The following CASD1 variants were observed in gnomAD, a reference collection of about 807,000 sequenced individuals.
The protein encoded by CASD1 is CAS1 domain sialic acid O acetyltransferase 1.
A neutral mutation model predicts 100.0 loss-of-function variants in CASD1; 41 were observed. That is an observed-to-expected ratio of 0.41 (90% CI 0.32 to 0.53). The LOEUF is 0.53. Ranked by LOEUF, CASD1 falls within the 20% of genes least tolerant of loss-of-function variation. The pLI, the probability that CASD1 is intolerant of heterozygous loss-of-function variation, is 0.25. For missense variants in CASD1, 774 were observed against 948.7 expected (o/e 0.82, Z 2.42); for synonymous variants, 321 against 315.6 (o/e 1.02, Z -0.18).
downstream of CASD1, among the ~76,000 whole-genome samples, chr7:94,558,781 G>A (rs1796288057): frequency 6.6e-6 from 1 of 151,934 alleles, no homozygotes; most frequent in South Asian, 2.1e-4. Flanking sequence ...TTCCAGAATA[G>A]ATTTCTTATT....
the CASD1 span, among the ~76,000 whole-genome samples, chr7:94,605,487 A>G: frequency 1.3e-5 from 2 of 152,326 alleles, no homozygotes; most frequent in East Asian, 3.9e-4. Context: ...GTTTATATAC[A>G]CTTATAGATA....
the CASD1 span, chr7:94,588,120 T>C: frequency 5.2e-6 from 6 of 1,161,724 alleles, no homozygotes; most frequent in Non-Finnish European, 6.4e-6. Context: ...CTGTGGAAAA[T>C]TTTTAGGGAC....
chr7:94,581,682 A>G, the CASD1 span, among the ~76,000 whole-genome samples: 675 of 152,334 alleles, frequency 4.4e-3, 4 homozygotes, highest in African/African-American at 0.015. Context: ...AGCCCCATCC[A>G]TGTCCCTGCA....
chr7:94,546,558 T>C (rs540447901), intron 12 of CASD1, among the ~76,000 whole-genome samples: 1 of 152,052 alleles, frequency 6.6e-6, no homozygotes, highest in African/African-American at 2.4e-5. Context: ...GCCTCTGTAG[T>C]TTAATTTCTC....
At chr7:94,581,582 G>A in the CASD1 span, among the ~76,000 whole-genome samples, 3 of 151,958 alleles carry the variant, frequency 2.0e-5, no homozygotes, top group Non-Finnish European at 4.4e-5. Flanking sequence ...CCATGTGTCC[G>A]TGTGTTCTCA....
the CASD1 span, chr7:94,619,702 G>A: frequency 6.6e-6 from 1 of 152,140 alleles, no homozygotes; most frequent in Non-Finnish European, 1.5e-5. Flanking sequence ...TTAAATGTAT[G>A]TACTGTGAGG....
chr7:94,603,513 T>C, the CASD1 span: 3 of 1,504,106 alleles, frequency 2.0e-6, no homozygotes, highest in Non-Finnish European at 2.8e-6. Flanking sequence ...TAAAAAACAA[T>C]CCACCTTAAA....
At chr7:94,629,826 G>A in the CASD1 span, 13 of 1,610,684 alleles carry the variant, frequency 8.1e-6, no homozygotes, top group South Asian at 5.5e-5. Context: ...GTGTACCTTG[G>A]AGAAAATACT....
intron 5 of CASD1, among the ~76,000 whole-genome samples, chr7:94,529,210 T>C (rs1454178992): frequency 6.6e-6 from 1 of 152,222 alleles, no homozygotes; most frequent in African/African-American, 2.4e-5. Flanking sequence ...TTTGAAATTA[T>C]TTAAGCATAT....
At chr7:94,562,951 C>T in the CASD1 span, among the ~76,000 whole-genome samples, 1 of 152,048 alleles carries the variant, frequency 6.6e-6, no homozygotes, top group South Asian at 2.1e-4. Flanking sequence ...CTGTATTTTA[C>T]AGCTTAGTTT....
intron 3 of CASD1, among the ~76,000 whole-genome samples, chr7:94,525,165 G>C (rs1584389565): frequency 6.6e-6 from 1 of 152,110 alleles, no homozygotes; most frequent in African/African-American, 2.4e-5. Flanking sequence ...AGCTGGTACA[G>C]GAAATGTTAA....
chr7:94,631,963 G>A, the CASD1 span, among the ~76,000 whole-genome samples: 1 of 151,954 alleles, frequency 6.6e-6, no homozygotes, highest in Non-Finnish European at 1.5e-5. Flanking sequence ...TTTCTCGGCA[G>A]CTAGAAGAGA....
intron 5 of CASD1, among the ~76,000 whole-genome samples, chr7:94,531,888 A>C (rs562791972): frequency 6.6e-6 from 1 of 152,108 alleles, no homozygotes; most frequent in Non-Finnish European, 1.5e-5. Context: ...GGCCTCAGCA[A>C]TATCCTATTA....
chr7:94,595,772 A>G, the CASD1 span, among the ~76,000 whole-genome samples: 1 of 152,120 alleles, frequency 6.6e-6, no homozygotes, highest in Admixed American at 6.6e-5. Flanking sequence ...ATTCCCTATT[A>G]TCTGGCATGG....
At position 94,551,338 on chromosome 7, in the gene CASD1, G is replaced by T; in HGVS notation, c.1816G>T (p.Val606Leu). ...CAAATTTTCTCTCTTTACTTTTCAGGTAGTTTTCCACGGAATGCTGTTTGC... is the reference window on the plus strand; with the variant it reads ...CAAATTTTCTCTCTTTACTTTTCAGTTAGTTTTCCACGGAATGCTGTTTGC... ...WWFRWRLDRY[V>L]VFHGMLFAFI... The change falls in exon 15 of 18, where the codon GTA (valine) becomes TTA (leucine). Residue 606 changes from valine to leucine, a missense_variant and splice_region_variant. Val to Leu is a conservative substitution (Grantham distance 32). Coordinates refer to ENST00000297273, the MANE Select transcript of CASD1 (RefSeq NM_022900.5). The T allele has an allele frequency of 1.3e-6, 2 of 1,531,830 alleles. No individual in the cohort carries two copies. The highest frequency in any genetic ancestry group is 1.7e-6 in the Non-Finnish European group (2 of 1,149,802). 94.9% of individuals were successfully genotyped at this position (1,531,830 alleles called of 1,614,324 possible). A position where few individuals can be genotyped will look rare whatever the true frequency, so the allele number is the denominator to read the frequency against.
chr7:94,567,327 A>G, the CASD1 span, among the ~76,000 whole-genome samples: 4 of 151,864 alleles, frequency 2.6e-5, no homozygotes, highest in African/African-American at 9.7e-5. Flanking sequence ...TTTATTCTCT[A>G]TTGATTTGAG....
At chr7:94,562,429 G>C in the CASD1 span, among the ~76,000 whole-genome samples, 2 of 152,094 alleles carry the variant, frequency 1.3e-5, no homozygotes, top group African/African-American at 4.8e-5. Flanking sequence ...AATGGTAGTA[G>C]TAATATTTTT....
rs540665809 is a variant in CASD1, at chr7:94,555,952, A to C, written c.*194A>C. ...GTACATATCCAATATGAAATACTAA[A>C]ACAAACAAACAAACAAAAAACCAGA... On this transcript the variant is annotated 3_prime_UTR_variant, in exon 18 of 18. Coordinates refer to ENST00000297273, the MANE Select transcript of CASD1 (RefSeq NM_022900.5). 9 of 528,732 alleles carry C rather than the reference A, an allele frequency of 1.7e-5. No individual in the cohort carries two copies. The highest frequency in any genetic ancestry group is 1.5e-4 in the African/African-American group (8 of 52,054). The allele number at this position is 528,732 out of a possible 1,614,324, so 32.8% of individuals were successfully genotyped here.
At chr7:94,588,992 T>A in the CASD1 span, 2 of 476,192 alleles carry the variant, frequency 4.2e-6, no homozygotes, top group Non-Finnish European at 7.7e-6. Flanking sequence ...CCCTAAGAGG[T>A]AGGTGTTAAT....
Sources: allele counts gnomAD v4.1 joint callset (sites outside exome capture counted in the v4.1 genomes callset), GRCh38; gene constraint gnomAD v4.1.1; transcripts MANE v1.5; gene names NCBI Gene and HGNC (gene_info 2026-07-23, HGNC 2026-07-21).